The following ADGRL3 variants were observed in gnomAD, a reference collection of about 807,000 sequenced individuals.
ADGRL3 encodes the protein adhesion G protein-coupled receptor L3, also known as calcium-independent alpha-latrotoxin receptor 3.
A neutral mutation model predicts 153.5 loss-of-function variants in ADGRL3; 62 were observed. The ratio of observed to expected loss-of-function variants is 0.40; its 90% CI spans 0.33 to 0.50. The LOEUF (loss-of-function observed/expected upper bound fraction) is 0.50. Ranked by LOEUF, ADGRL3 falls within the 20% of genes least tolerant of loss-of-function variation. The pLI is 0.47. For missense variants in ADGRL3, 1,641 were observed against 1,859.4 expected, an observed-to-expected ratio of 0.88 and a Z score of 2.16; for synonymous variants, 710 against 672.5, an observed-to-expected ratio of 1.06 and a Z score of -0.86.
chr4:62,004,503 G>A (rs1434774033), intron 21 of ADGRL3, among the ~76,000 whole-genome samples: 1 of 151,724 alleles, frequency 6.6e-6, no homozygotes, highest in African/African-American at 2.4e-5. Flanking sequence ...TTTTTAAGAA[G>A]GAGGCTCAAA....
intron 8 of ADGRL3, among the ~76,000 whole-genome samples, chr4:61,748,691 C>A (rs941027918): frequency 6.6e-6 from 1 of 152,060 alleles, no homozygotes; most frequent in African/African-American, 2.4e-5. Flanking sequence ...CTTCCTTACA[C>A]CTTATACAAA....
intron 23 of ADGRL3, among the ~76,000 whole-genome samples, chr4:62,036,972 G>A (rs1479177418): frequency 6.6e-6 from 1 of 151,914 alleles, no homozygotes; most frequent in African/African-American, 2.4e-5. Context: ...GAAAACATCA[G>A]CTAAAACTCT....
chr4:61,961,456 T>C (rs142515637), intron 17 of ADGRL3, among the ~76,000 whole-genome samples: 1,556 of 152,310 alleles, frequency 0.01, 23 homozygotes, highest in African/African-American at 0.035. Context: ...TCTAATTCTC[T>C]TTTGTGCATT....
chr4:61,812,512 C>T (rs1194470333), intron 8 of ADGRL3, among the ~76,000 whole-genome samples: 1 of 152,138 alleles, frequency 6.6e-6, no homozygotes, highest in Non-Finnish European at 1.5e-5. Context: ...ATTAACAACC[C>T]TGTAAATTGC....
chr4:62,027,071 T>C (rs538350140), intron 21 of ADGRL3, among the ~76,000 whole-genome samples: 57 of 152,038 alleles, frequency 3.7e-4, no homozygotes, highest in Non-Finnish European at 7.5e-4. Flanking sequence ...ATTATTCGAA[T>C]CGTGAACAGG....
chr4:61,473,809 T>G (rs2098004019), intron 2 of ADGRL3, among the ~76,000 whole-genome samples: 1 of 152,096 alleles, frequency 6.6e-6, no homozygotes, highest in Non-Finnish European at 1.5e-5. Flanking sequence ...TTAGCACAAT[T>G]TAGATAAGCA....
chr4:61,640,948 A>G (rs920038734), intron 5 of ADGRL3, among the ~76,000 whole-genome samples: 10 of 152,162 alleles, frequency 6.6e-5, no homozygotes, highest in African/African-American at 2.4e-4. Context: ...ACATTTTTCA[A>G]AGTTTTTTGT....
At chr4:61,356,724 T>C (rs1463681997) in intron 1 of ADGRL3, among the ~76,000 whole-genome samples, 1 of 152,100 alleles carries the variant, frequency 6.6e-6, no homozygotes, top group African/African-American at 2.4e-5. Context: ...CAGTTACTTA[T>C]CATAAACAAA....
At chr4:61,814,671 C>T (rs925150925) in intron 9 of ADGRL3, among the ~76,000 whole-genome samples, 6 of 152,122 alleles carry the variant, frequency 3.9e-5, no homozygotes, top group Admixed American at 1.3e-4. Flanking sequence ...CTCATGAGGT[C>T]TGACGTTTCT....
At position 61,577,168 on chromosome 4, in the gene ADGRL3, A is replaced by ATG. The variant is rs199928191; in HGVS notation, c.260-10046_260-10045dup. ...TGAATAATTGTGTGTGTGTGTGTGT[A>ATG]TGTGTGTGTGTGTGAGAGAGAGAGT... On this transcript the variant is annotated intron_variant, in intron 4 of 26. Transcript: ENST00000683033. Among the ~76,000 whole-genome samples the ATG allele has an allele frequency of 7.5e-4, 86 of 114,012 alleles. 2 individuals carry two copies. Among genetic ancestry groups the ATG allele is most frequent in the Non-Finnish European group, 4.4e-4 (23 of 52,024 alleles). 74.8% of individuals were successfully genotyped at this position (114,012 alleles called of 152,430 possible). A position where few individuals can be genotyped will look rare whatever the true frequency, so the allele number is the denominator to read the frequency against.
In ADGRL3 at chr4:62,070,274, T is replaced by G. The variant is rs765992151; in HGVS notation, c.3998T>G (p.Ile1333Ser). ...NHNETALEKK[I>S]LKELTSNYIP... is the part of the protein sequence containing the mutation. ...AACGAGACCGCCCTAGAGAAAAAGA[T>G]TCTGAAGGAACTCACTTCCAACTAT... The change falls in exon 27 of 27, where the codon ATT becomes AGT. Residue 1333 changes from isoleucine to serine, a missense_variant. Transcript: ENST00000683033. The G allele has an allele frequency of 1.9e-6, 3 of 1,594,840 alleles. No individual in the cohort carries two copies. The highest frequency in any genetic ancestry group is 2.6e-6 in the Non-Finnish European group (3 of 1,169,240).
intron 6 of ADGRL3, among the ~76,000 whole-genome samples, chr4:61,701,241 A>C (rs975281582): frequency 6.6e-6 from 1 of 152,116 alleles, no homozygotes; most frequent in Non-Finnish European, 1.5e-5. Context: ...AACTAACGTC[A>C]CAAAAAGCTG....
At chr4:61,625,284 C>T (rs1449779533) in intron 5 of ADGRL3, among the ~76,000 whole-genome samples, 1 of 151,830 alleles carries the variant, frequency 6.6e-6, no homozygotes. Flanking sequence ...CCATATTGCT[C>T]TTTATGTGGA....
At chr4:61,397,045 A>G (rs2096876607) in intron 2 of ADGRL3, among the ~76,000 whole-genome samples, 1 of 151,478 alleles carries the variant, frequency 6.6e-6, no homozygotes, top group South Asian at 2.1e-4. Context: ...TGATAAGTAT[A>G]TATTTATACT....
intron 9 of ADGRL3, among the ~76,000 whole-genome samples, chr4:61,876,101 A>AG (rs1477806421): frequency 7.1e-6 from 1 of 140,276 alleles, no homozygotes; most frequent in Non-Finnish European, 1.6e-5. Flanking sequence ...ATCATCAAAT[A>AG]GTTTTTTTTT....
chr4:61,546,655 T>A (rs2098715079), intron 4 of ADGRL3, among the ~76,000 whole-genome samples: 1 of 152,162 alleles, frequency 6.6e-6, no homozygotes, highest in African/African-American at 2.4e-5. Context: ...AGGGAGTATT[T>A]ACACCATAGA....
intron 11 of ADGRL3, among the ~76,000 whole-genome samples, chr4:61,896,751 G>C (rs1030841246): frequency 6.6e-6 from 1 of 152,062 alleles, no homozygotes; most frequent in Non-Finnish European, 1.5e-5. Context: ...CTCCGTACTT[G>C]TTGCTATTCA....
intron 4 of ADGRL3, among the ~76,000 whole-genome samples, chr4:61,568,741 AT>A (rs1462945333): frequency 2.6e-5 from 4 of 152,094 alleles, no homozygotes; most frequent in African/African-American, 7.2e-5. Flanking sequence ...TATATCCTTC[AT>A]GATCCCTTTT....
chr4:61,570,903 T>C (rs912380275), intron 4 of ADGRL3, among the ~76,000 whole-genome samples: 2 of 152,190 alleles, frequency 1.3e-5, no homozygotes, highest in African/African-American at 4.8e-5. Context: ...CATGTTTTCC[T>C]ACTTCTGTGT....
Sources: gnomAD v4.1 joint callset for allele counts (sites outside exome capture counted in the v4.1 genomes callset) on GRCh38, gnomAD v4.1.1 for gene constraint, MANE v1.5 for transcripts, NCBI Gene and HGNC (gene_info 2026-07-23, HGNC 2026-07-21) for gene names.